The following ILDR1 variants were observed in gnomAD, a reference collection of about 807,000 sequenced individuals.
ILDR1 encodes the protein immunoglobulin like domain containing receptor 1.
A neutral mutation model predicts 62.4 loss-of-function variants in ILDR1; 56 were observed. That is an observed-to-expected ratio of 0.90 (90% CI 0.72 to 1.12). The LOEUF is 1.12. ILDR1 is among the 50% of genes most tolerant of loss of function. ILDR1 has a pLI of 0.00. For missense variants in ILDR1, 736 were observed against 710.6 expected (o/e 1.04, Z -0.41); for synonymous variants, 284 against 277.8 (o/e 1.02, Z -0.22).
At chr3:122,026,809 ACTGGAT>A (rs2071924935), upstream of ILDR1, among the ~76,000 whole-genome samples, 1 of 152,242 alleles carries the variant, frequency 6.6e-6, no homozygotes, top group Non-Finnish European at 1.5e-5. Flanking sequence ...TTAACATTAT[ACTGGAT>A]ATTCTAGCCA....
intron 7 of ILDR1, among the ~76,000 whole-genome samples, chr3:121,992,629 C>T (rs556149087): frequency 6.6e-6 from 1 of 152,276 alleles, no homozygotes; most frequent in South Asian, 2.1e-4. Context: ...GTTTAATGGT[C>T]CTTTCCAGGG....
chr3:122,034,496 A>C, the ILDR1 span, among the ~76,000 whole-genome samples: 1 of 152,222 alleles, frequency 6.6e-6, no homozygotes, highest in Non-Finnish European at 1.5e-5. Context: ...AGAGCATTTT[A>C]TTACCTTAGC....
intron 3 of ILDR1, among the ~76,000 whole-genome samples, chr3:122,002,941 C>A (rs1297336273): frequency 6.6e-6 from 1 of 152,156 alleles, no homozygotes; most frequent in Non-Finnish European, 1.5e-5. Flanking sequence ...CCAGCATCTA[C>A]AAGGAATTTA....
chr3:122,038,969 C>A, the ILDR1 span, among the ~76,000 whole-genome samples: 1 of 150,808 alleles, frequency 6.6e-6, no homozygotes, highest in Non-Finnish European at 1.5e-5. Context: ...TTATTAATTG[C>A]CAATTAAAAA....
the ILDR1 span, among the ~76,000 whole-genome samples, chr3:122,048,788 C>G: frequency 6.6e-6 from 1 of 151,996 alleles, no homozygotes; most frequent in Admixed American, 6.6e-5. Flanking sequence ...TTTCATTTTT[C>G]ATCTTATCTG....
At chr3:122,018,907 C>T (rs376481880) in intron 1 of ILDR1, among the ~76,000 whole-genome samples, 3 of 152,320 alleles carry the variant, frequency 2.0e-5, no homozygotes, top group South Asian at 2.1e-4. Flanking sequence ...ATGGTCCATA[C>T]GTCCACCCCC....
At chr3:121,996,230 C>T (rs533932266) in intron 5 of ILDR1, among the ~76,000 whole-genome samples, 95 of 152,346 alleles carry the variant, frequency 6.2e-4, no homozygotes, top group African/African-American at 2.2e-3. Context: ...AGTTGTGCTT[C>T]CTCTTTGCTC....
chr3:122,002,851 T>C (rs371581693), intron 3 of ILDR1, among the ~76,000 whole-genome samples: 23 of 152,298 alleles, frequency 1.5e-4, no homozygotes, highest in Admixed American at 5.9e-4. Context: ...CTTCCACTTA[T>C]AAGATCATCA....
intron 1 of ILDR1, among the ~76,000 whole-genome samples, chr3:122,016,266 T>C (rs1386386834): frequency 6.6e-6 from 1 of 152,276 alleles, no homozygotes. Context: ...ATCTACTAAG[T>C]GCTCTTGTGG....
chr3:122,055,295 T>C, the ILDR1 span: 2 of 573,586 alleles, frequency 3.5e-6, no homozygotes, highest in Non-Finnish European at 6.2e-6. Context: ...CTTCCTCAAG[T>C]GTGGTCAAAA....
chr3:122,007,356 G>GA lies in ILDR1; in HGVS notation c.59-196dup. The GA allele has an allele frequency of 2.6e-5, 31 of 1,196,852 alleles. No individual in the cohort carries two copies. In the South Asian group the frequency reaches 4.1e-4, roughly 16 times the overall value. 74.1% of individuals were successfully genotyped at this position (1,196,852 alleles called of 1,614,324 possible). A position where few individuals can be genotyped will look rare whatever the true frequency, so the allele number is the denominator to read the frequency against. On this transcript the variant is annotated intron_variant, in intron 1 of 7. Transcript: ENST00000344209. ...GGTGAGAACGCACTCAGCAGCCTCAGAGGGACATAGGAAGAAAGGAGTGAG... is the reference window on the plus strand; with the variant it reads ...GGTGAGAACGCACTCAGCAGCCTCAGAAGGGACATAGGAAGAAAGGAGTGAG...
chr3:122,030,651 CTAAG>C, the ILDR1 span, among the ~76,000 whole-genome samples: 2 of 151,580 alleles, frequency 1.3e-5, no homozygotes, highest in South Asian at 4.2e-4. Flanking sequence ...CTCTCTCTCT[CTAAG>C]TGTTTCTTAC....
the ILDR1 span, among the ~76,000 whole-genome samples, chr3:122,028,619 G>A: frequency 6.6e-6 from 1 of 152,168 alleles, no homozygotes; most frequent in African/African-American, 2.4e-5. Flanking sequence ...CTCTGCTAAG[G>A]CAGATAAACA....
the ILDR1 span, among the ~76,000 whole-genome samples, chr3:122,044,491 G>A: frequency 1.3e-5 from 2 of 149,292 alleles, no homozygotes; most frequent in South Asian, 4.2e-4. Flanking sequence ...CAGAAGGAAT[G>A]GTACCAGCTC....
chr3:121,995,860 C>G (rs1003447999), intron 5 of ILDR1, among the ~76,000 whole-genome samples: 1 of 152,216 alleles, frequency 6.6e-6, no homozygotes, highest in South Asian at 2.1e-4. Flanking sequence ...AGAGAGATTA[C>G]CTTCCCAGCC....
At chr3:121,989,795 A>G (rs908185965) in intron 7 of ILDR1, among the ~76,000 whole-genome samples, 5 of 152,162 alleles carry the variant, frequency 3.3e-5, no homozygotes, top group Non-Finnish European at 5.9e-5. Flanking sequence ...ACTGTGTAAC[A>G]TATCGTTCCT....
At chr3:122,005,126 C>G in intron 3 of ILDR1, 118 bp downstream of exon 3, 1 of 748,718 alleles carries the variant, frequency 1.3e-6, no homozygotes, top group Non-Finnish European at 2.3e-6. Context: ...TGACAGTGAC[C>G]AAGTAGACCA....
At chr3:122,031,050 G>A in the ILDR1 span, among the ~76,000 whole-genome samples, 1 of 152,168 alleles carries the variant, frequency 6.6e-6, no homozygotes, top group Non-Finnish European at 1.5e-5. Context: ...GACTAGGAGA[G>A]TATCTACTCC....
At chr3:122,051,515 T>C in the ILDR1 span, among the ~76,000 whole-genome samples, 380 of 152,280 alleles carry the variant, frequency 2.5e-3, 2 homozygotes, top group African/African-American at 8.6e-3. Flanking sequence ...ATTGAATTTC[T>C]CATTGGTTCA....
Sources: gnomAD v4.1 joint callset for allele counts (sites outside exome capture counted in the v4.1 genomes callset) on GRCh38, gnomAD v4.1.1 for gene constraint, MANE v1.5 for transcripts, NCBI Gene and HGNC (gene_info 2026-07-23, HGNC 2026-07-21) for gene names.